The following NRCAM variants were observed in gnomAD, a reference collection of about 807,000 sequenced individuals.
NRCAM encodes NgCAM-related cell adhesion molecule.
In NRCAM, 83 loss-of-function variants were observed where a neutral mutation model predicts 156.5. The ratio of observed to expected loss-of-function variants is 0.53; its 90% CI spans 0.44 to 0.64. NRCAM has a LOEUF of 0.64. NRCAM is among the 30% of genes least tolerant of loss of function. The pLI is 0.00. For synonymous variants in NRCAM, 538 were observed against 563.9 expected, an observed-to-expected ratio of 0.95 and a Z score of 0.65; for missense variants, 1,417 against 1,597.3, an observed-to-expected ratio of 0.89 and a Z score of 1.92.
At chr7:108,385,432 G>C (rs1456129805) in intron 2 of NRCAM, among the ~76,000 whole-genome samples, 1 of 152,208 alleles carries the variant, frequency 6.6e-6, no homozygotes, top group Non-Finnish European at 1.5e-5. Context: ...ATCAAGGAAG[G>C]CTTTGTGGAA....
At chr7:108,172,198 T>C (rs1197160263) in intron 28 of NRCAM, among the ~76,000 whole-genome samples, 5 of 152,202 alleles carry the variant, frequency 3.3e-5, no homozygotes, top group African/African-American at 1.2e-4. Flanking sequence ...CATAAATCTT[T>C]TTGAGCCTGC....
intron 3 of NRCAM, among the ~76,000 whole-genome samples, chr7:108,266,490 G>A (rs2097108473): frequency 6.6e-6 from 1 of 152,136 alleles, no homozygotes; most frequent in African/African-American, 2.4e-5. Context: ...CTGCACATGA[G>A]GTTTACTACA....
intron 3 of NRCAM, among the ~76,000 whole-genome samples, chr7:108,267,556 A>C (rs1206802300): frequency 1.3e-5 from 2 of 152,102 alleles, no homozygotes; most frequent in Non-Finnish European, 2.9e-5. Context: ...AAAAACAAAA[A>C]CCCCAAAAAA....
intron 3 of NRCAM, among the ~76,000 whole-genome samples, chr7:108,279,811 C>T (rs1403465460): frequency 1.3e-5 from 2 of 152,108 alleles, no homozygotes; most frequent in Non-Finnish European, 2.9e-5. Context: ...CCTCCCATCT[C>T]AGCCTCCTAA....
chr7:108,444,932 G>C (rs1842679901), intron 1 of NRCAM, among the ~76,000 whole-genome samples: 1 of 152,144 alleles, frequency 6.6e-6, no homozygotes, highest in African/African-American at 2.4e-5. Context: ...TCTCTTCACT[G>C]AGGTGCAGAG....
At position 108,240,137 on chromosome 7, in the gene NRCAM, G is replaced by C; in HGVS notation, c.-73C>G. On this transcript the variant is annotated 5_prime_UTR_variant, in exon 4 of 33. Coordinates refer to ENST00000379028, the MANE Select transcript of NRCAM (RefSeq NM_001037132.4). ...TTCACAAAAGATTTTGTGAAACGTTGTGTGCAACGTTTAAGTAATTTTCAT... is the reference window on the plus strand; with the variant it reads ...TTCACAAAAGATTTTGTGAAACGTTCTGTGCAACGTTTAAGTAATTTTCAT... The C allele has an allele frequency of 1.0e-6, 1 of 1,002,880 alleles. No individual in the cohort carries two copies. The highest frequency in any genetic ancestry group is 1.6e-6 in the Non-Finnish European group (1 of 643,578). The allele number at this position is 1,002,880 out of a possible 1,614,324, so 62.1% of individuals were successfully genotyped here.
chr7:108,372,308 A>T (rs928112951), intron 2 of NRCAM, among the ~76,000 whole-genome samples: 13 of 152,148 alleles, frequency 8.5e-5, no homozygotes, highest in African/African-American at 2.9e-4. Flanking sequence ...CATGAATGTG[A>T]CACCAAAAGC....
chr7:108,419,548 A>G (rs1477832315), intron 1 of NRCAM, among the ~76,000 whole-genome samples: 1 of 13,658 alleles, frequency 7.3e-5, no homozygotes, highest in Non-Finnish European at 1.4e-4. Context: ...GTTTGGCAGT[A>G]TATATAGAGT....
intron 1 of NRCAM, among the ~76,000 whole-genome samples, chr7:108,424,573 G>T (rs1229954168): frequency 2.0e-5 from 3 of 152,148 alleles, no homozygotes; most frequent in African/African-American, 7.2e-5. Context: ...TGTCAGTGGG[G>T]TTTACACTAT....
At chr7:108,219,600 C>T (rs575554164) in intron 11 of NRCAM, among the ~76,000 whole-genome samples, 4 of 152,154 alleles carry the variant, frequency 2.6e-5, no homozygotes, top group Admixed American at 6.5e-5. Context: ...AAACAAAAAT[C>T]GCACGATCAT....
chr7:108,239,659 G>A (rs1249650490), intron 4 of NRCAM, among the ~76,000 whole-genome samples: 1 of 152,172 alleles, frequency 6.6e-6, no homozygotes, highest in Admixed American at 6.5e-5. Context: ...CTGTTGGGAA[G>A]ATCAGGCAGC....
At chr7:108,180,565 A>G in intron 24 of NRCAM, 138 bp from the exon 25 acceptor site, 1 of 651,610 alleles carries the variant, frequency 1.5e-6, no homozygotes, top group Non-Finnish European at 2.6e-6. Flanking sequence ...AAACTGATGG[A>G]TATTGATTCT....
At chr7:108,455,788 C>A (rs1328773810) in intron 1 of NRCAM, among the ~76,000 whole-genome samples, 1 of 152,150 alleles carries the variant, frequency 6.6e-6, no homozygotes, top group Non-Finnish European at 1.5e-5. Context: ...CCTCGCCCCG[C>A]CGGCACTGTG....
intron 3 of NRCAM, among the ~76,000 whole-genome samples, chr7:108,293,602 A>G (rs1217543281): frequency 2.0e-5 from 3 of 152,304 alleles, no homozygotes; most frequent in East Asian, 3.9e-4. Flanking sequence ...GATTATTTTA[A>G]AACCCTTATG....
At chr7:108,156,470 C>T in intron 32 of NRCAM, 7 of 971,456 alleles carry the variant, frequency 7.2e-6, no homozygotes, top group Non-Finnish European at 8.6e-6. Context: ...AAGAAACAAA[C>T]AAAGAAAGCT....
intron 18 of NRCAM, 96 bp from the exon 19 acceptor site, chr7:108,191,379 T>C: frequency 1.0e-6 from 1 of 962,536 alleles, no homozygotes; most frequent in African/African-American, 1.7e-5. Context: ...TTATTCAAGG[T>C]TATAAAATTA....
At chr7:108,425,315 T>C (rs983894703) in intron 1 of NRCAM, among the ~76,000 whole-genome samples, 3 of 152,224 alleles carry the variant, frequency 2.0e-5, no homozygotes, top group Admixed American at 1.3e-4. Context: ...TATTTCCAAA[T>C]TCATTTTGAT....
intron 1 of NRCAM, among the ~76,000 whole-genome samples, chr7:108,401,470 G>A (rs148364689): frequency 3.9e-5 from 6 of 152,174 alleles, no homozygotes; most frequent in African/African-American, 1.4e-4. Context: ...GAGCCAGTGA[G>A]GAGGAGGCTG....
At chr7:108,322,314 T>C (rs1040221753) in intron 2 of NRCAM, among the ~76,000 whole-genome samples, 1 of 152,192 alleles carries the variant, frequency 6.6e-6, no homozygotes, top group East Asian at 1.9e-4. Flanking sequence ...TTGAACTGAA[T>C]TTGAAGTCTT....
Sources: allele counts gnomAD v4.1 joint callset (sites outside exome capture counted in the v4.1 genomes callset), GRCh38; gene constraint gnomAD v4.1.1; transcripts MANE v1.5; gene names NCBI Gene and HGNC (gene_info 2026-07-23, HGNC 2026-07-21).